The following CARMIL3 variants were observed in gnomAD, a reference collection of about 807,000 sequenced individuals.
The protein encoded by CARMIL3 is capping protein, Arp2/3 and myosin-I linker protein 3.
In CARMIL3, 88 loss-of-function variants were observed where a neutral mutation model predicts 180.8. The ratio of observed to expected loss-of-function variants is 0.49; its 90% CI spans 0.41 to 0.58. CARMIL3 has a LOEUF of 0.58. CARMIL3 is among the 20% of genes least tolerant of loss of function. CARMIL3 has a pLI of 0.00. For missense variants in CARMIL3, 1,548 were observed against 1,787.0 expected (o/e 0.87, Z 2.41); for synonymous variants, 696 against 714.5 (o/e 0.97, Z 0.41).
chr14:24,055,544 G>A lies in CARMIL3; in HGVS notation c.607G>A (p.Asp203Asn). Residue 203 changes from aspartate to asparagine, a missense_variant and splice_region_variant, in exon 9 of 40, where the codon GAC becomes AAC. This residue lies in a region of CARMIL3 where 578 missense variants were observed against 666.5 expected (regional missense o/e 0.87). Coordinates refer to ENST00000342740, the MANE Select transcript of CARMIL3 (RefSeq NM_138360.4). ...CTGCCCCCTTCCATATCCCCACAGA[G>A]ACTTGGCCCTAATGGTAGCAGCCCT... is the stretch of plus-strand genomic sequence containing the variant. ...LLDFSHLESR[D>N]LALMVAALAY... 6.2e-7 allele frequency: 1 copy of A among 1,614,074 alleles called. No individual in the cohort carries two copies. The highest frequency in any genetic ancestry group is 1.1e-5 in the South Asian group (1 of 91,084).
At chr14:24,062,388 G>C (rs1256344134) in intron 27 of CARMIL3, 92 bp from the exon 28 acceptor site, 6 of 1,179,642 alleles carry the variant, frequency 5.1e-6, no homozygotes, top group Non-Finnish European at 7.6e-6. Context: ...CCAGCTGGCC[G>C]TTCTCTCAGG....
intron 34 of CARMIL3, among the ~76,000 whole-genome samples, chr14:24,066,155 C>T (rs1219242981): frequency 6.6e-6 from 1 of 152,020 alleles, no homozygotes; most frequent in African/African-American, 2.4e-5. Context: ...TTGAATGAGT[C>T]GTGTTTTTTT....
chr14:24,054,000 C>G, intron 2 of CARMIL3, 88 bp from the exon 3 acceptor site: 1 of 1,475,342 alleles, frequency 6.8e-7, no homozygotes, highest in Non-Finnish European at 9.3e-7. Context: ...GGAGACACTC[C>G]AAGAGCAGAG....
chr14:24,066,471 A>C lies in CARMIL3; in HGVS notation c.3592+7A>C. On this transcript the variant is annotated splice_region_variant and intron_variant, in intron 35 of 39. Coordinates refer to ENST00000342740, the MANE Select transcript of CARMIL3 (RefSeq NM_138360.4). ...CGCTCTTCAGACGACGCAGGTAAGA[A>C]CAGTCACATTCAAAGCCCTTTTGGA... 2 of 1,614,190 alleles carry C rather than the reference A, an allele frequency of 1.2e-6. No homozygotes were observed. The highest frequency in any genetic ancestry group is 1.7e-6 in the Non-Finnish European group (2 of 1,180,032).
chr14:24,063,440 T>C lies in CARMIL3; in HGVS notation c.2886T>C (p.Ser962=), dbSNP rs749023095. The change falls in exon 31 of 40, where the codon TCT becomes TCC. Residue 962 remains serine, a synonymous_variant. Transcript: ENST00000342740. ...CTAGTGGCTCCTGGGAAGGTCTATCTGAGCTGCCCACTCATGGTTACAAAC... is the reference window on the plus strand; with the variant it reads ...CTAGTGGCTCCTGGGAAGGTCTATCCGAGCTGCCCACTCATGGTTACAAAC... The part of the protein sequence containing the change: ...PTASGSWEGL[S]ELPTHGYKLR... The C allele has an allele frequency of 6.2e-7, 1 of 1,613,898 alleles. No homozygotes were observed. The highest frequency in any genetic ancestry group is 1.1e-5 in the South Asian group (1 of 91,078).
At position 24,054,925 on chromosome 14, in the gene CARMIL3, C is replaced by T; in HGVS notation, c.460+117C>T. 1 of 1,368,484 alleles carries T rather than the reference C, an allele frequency of 7.3e-7. No homozygotes were observed. The highest frequency in any genetic ancestry group is 1.0e-6 in the Non-Finnish European group (1 of 977,328). The allele number at this position is 1,368,484 out of a possible 1,614,324, so 84.8% of individuals were successfully genotyped here. A position where few individuals can be genotyped will look rare whatever the true frequency, so the allele number is the denominator to read the frequency against. ...GGGCTTTGCCTGCCTGAAGGACTCC[C>T]AGCTCCCAGACCTCAGGAAGTTCAT... On this transcript the variant is annotated intron_variant, in intron 6 of 39. Coordinates refer to ENST00000342740, the MANE Select transcript of CARMIL3 (RefSeq NM_138360.4). This position sits in a 1 kb window ranked among gnomAD's most constrained non-coding sequence, Gnocchi z 5.1.
Position 24,062,584 on chromosome 14 carries a change from AGCCTGGCCTGG to A in CARMIL3, c.2568+18_2568+28del, listed in dbSNP as rs1297218128. The A allele has an allele frequency of 1.9e-6, 3 of 1,613,926 alleles. No homozygotes were observed. In the Admixed American group the frequency reaches 5.0e-5, roughly 27 times the overall value. ...AAGAGCCTGGTAAGGCTTCTTCTGC[AGCCTGGCCTGG>A]CTCGGGCACGCCCTCCACCCCACAT... On this transcript the variant is annotated intron_variant, in intron 28 of 39. Transcript: ENST00000342740.
rs2035713625 is a variant in CARMIL3 at position 24,059,798 on chromosome 14, A to G, written c.1868+66A>G. On this transcript the variant is annotated intron_variant, in intron 22 of 39. Coordinates refer to ENST00000342740, the MANE Select transcript of CARMIL3 (RefSeq NM_138360.4). The surrounding 1 kb of genome is among the most constrained non-coding windows in gnomAD (Gnocchi z 6.3). ...CTCCCTGTGCCTGGATCAGGCCTGA[A>G]CTACTCTTGCCCCACCCTAGCCCCT... The G allele has an allele frequency of 2.5e-6, 4 of 1,571,414 alleles. No individual in the cohort carries two copies. The highest frequency in any genetic ancestry group is 3.5e-6 in the Non-Finnish European group (4 of 1,142,580).
Position 24,064,997 on chromosome 14 carries a change from G to C in CARMIL3, c.3120G>C (p.Ser1040=). The C allele has an allele frequency of 6.2e-7, 1 of 1,612,056 alleles. No homozygotes were observed. Among genetic ancestry groups the C allele is most frequent in the Non-Finnish European group, 8.5e-7 (1 of 1,179,546 alleles). The change falls in exon 33 of 40, where the codon TCG becomes TCC. Residue 1040 remains serine (S), a synonymous_variant. Coordinates refer to ENST00000342740, the MANE Select transcript of CARMIL3 (RefSeq NM_138360.4). ...TGAGGACCGTGCGGCCAGGACTCTC[G>C]GAGGCACCGCTGCCTCCACTCCAGA... ...RTLRTVRPGL[S]EAPLPPLQKK...
intron 36 of CARMIL3, among the ~76,000 whole-genome samples, chr14:24,067,796 G>C (rs2035802128): frequency 6.6e-6 from 1 of 152,288 alleles, no homozygotes; most frequent in African/African-American, 2.4e-5. Flanking sequence ...TCCAGTGTCA[G>C]AGCCACAGGC....
At chr14:24,064,378 C>A in intron 32 of CARMIL3, 32 bp downstream of exon 32, 1 of 1,532,668 alleles carries the variant, frequency 6.5e-7, no homozygotes, top group Non-Finnish European at 8.9e-7. Context: ...CCATTTTCAG[C>A]AGGCCCCAAG....
rs2035723188 is a variant in CARMIL3, at chr14:24,060,619, G to A, written c.2062-9G>A. Reference sequence around the variant, plus strand: ...GGGTCCCCTTGACACCCCTGCCACTGTGCTCCAGATGCTGCAGCGGCTGTG... The same window carrying A: ...GGGTCCCCTTGACACCCCTGCCACTATGCTCCAGATGCTGCAGCGGCTGTG... On this transcript the variant is annotated splice_polypyrimidine_tract_variant and intron_variant, in intron 24 of 39. Transcript: ENST00000342740. The A allele has an allele frequency of 1.9e-6, 3 of 1,613,326 alleles. No individual in the cohort carries two copies. Among genetic ancestry groups the A allele is most frequent in the Admixed American group, 3.3e-5 (2 of 59,932 alleles).
Position 24,055,153 on chromosome 14 carries a change from C to A in CARMIL3, c.531+17C>A, listed in dbSNP as rs751442082. On this transcript the variant is annotated intron_variant, in intron 7 of 39. Transcript: ENST00000342740. ...GTTCAATGGGTATGTTGGGCAGGGA[C>A]CCCATAGGGAACAGGTGGGACCTGG... is the stretch of plus-strand genomic sequence containing the variant. 8 of 1,613,892 alleles carry A rather than the reference C, an allele frequency of 5.0e-6. No individual in the cohort carries two copies. The African/African-American group carries it at 8.0e-5, about 16-fold the overall frequency.
Position 24,069,570 on chromosome 14 carries a change from C to T in CARMIL3, c.*166C>T, listed in dbSNP as rs541227066. The T allele has an allele frequency of 1.7e-3, 1,347 of 798,652 alleles. 6 individuals carry two copies. The highest frequency in any genetic ancestry group is 1.7e-3 in the Non-Finnish European group (881 of 511,212). The allele number at this position is 798,652 out of a possible 1,614,324, so 49.5% of individuals were successfully genotyped here. A position where few individuals can be genotyped will look rare whatever the true frequency, so the allele number is the denominator to read the frequency against. ...AGGCAGGGACTAGAACAGAGGGAGC[C>T]ACCTGGAGAGACGGAGGCTGTCAGT... On this transcript the variant is annotated 3_prime_UTR_variant, in exon 40 of 40. Transcript: ENST00000342740.
intron 12 of CARMIL3, 43 bp downstream of exon 12, chr14:24,056,751 G>T: frequency 6.3e-7 from 1 of 1,587,612 alleles, no homozygotes. Context: ...CTACCCTGGT[G>T]CTGCCTGGGG....
rs1594551539 is a variant in CARMIL3, at chr14:24,061,332, T to C, written c.2305-165T>C. ...GGTGGAAGGAGCACTGACCAGAAAG[T>C]GGGGAAGCCTTAGTGTCCAAGGCTC... On this transcript the variant is annotated intron_variant, in intron 26 of 39. Coordinates refer to ENST00000342740, the MANE Select transcript of CARMIL3 (RefSeq NM_138360.4). The surrounding 1 kb of genome is among the most constrained non-coding windows in gnomAD (Gnocchi z 4.1). 1.4e-6 allele frequency: 1 copy of C among 711,674 alleles called. No individual in the cohort carries two copies. Among genetic ancestry groups the C allele is most frequent in the Non-Finnish European group, 2.3e-6 (1 of 437,538 alleles). 44.1% of individuals were successfully genotyped at this position (711,674 alleles called of 1,614,324 possible).
chr14:24,059,949 C>T lies in CARMIL3; in HGVS notation c.1869-21C>T. On this transcript the variant is annotated intron_variant, in intron 22 of 39. Transcript: ENST00000342740. This position sits in a 1 kb window ranked among gnomAD's most constrained non-coding sequence, Gnocchi z 6.3. ...CCCATCCTCACCTGTTCCCACCCAG[C>T]TGTGCCCCTGTGTCCCACAGCAACC... The T allele has an allele frequency of 6.2e-7, 1 of 1,613,130 alleles. No individual in the cohort carries two copies. The highest frequency in any genetic ancestry group is 8.5e-7 in the Non-Finnish European group (1 of 1,179,380).
At chr14:24,063,872 G>A (rs2035757581) in intron 31 of CARMIL3, among the ~76,000 whole-genome samples, 1 of 150,528 alleles carries the variant, frequency 6.6e-6, no homozygotes, top group Non-Finnish European at 1.5e-5. Context: ...GAGGCGGGCA[G>A]ATCACGAGGT....
In CARMIL3 at chr14:24,060,070, G is replaced by T; in HGVS notation, c.1962+7G>T. On this transcript the variant is annotated splice_region_variant and intron_variant, in intron 23 of 39. Coordinates refer to ENST00000342740, the MANE Select transcript of CARMIL3 (RefSeq NM_138360.4). The stretch of plus-strand genomic sequence containing the variant: ...CGAGGACGTCTGGCAGAAGGTGCAG[G>T]GTGCTGTCCTAAGCAGGGTGGCACA... The T allele has an allele frequency of 1.2e-6, 2 of 1,613,882 alleles. No individual in the cohort carries two copies. Among genetic ancestry groups the T allele is most frequent in the Non-Finnish European group, 1.7e-6 (2 of 1,180,014 alleles).
Sources: allele counts gnomAD v4.1 joint callset (sites outside exome capture counted in the v4.1 genomes callset), GRCh38; gene constraint gnomAD v4.1.1; regional missense constraint gnomAD v4.1.1; non-coding constraint Gnocchi (gnomAD v3.1); transcripts MANE v1.5; gene names NCBI Gene and HGNC (gene_info 2026-07-23, HGNC 2026-07-21).